PRMT8: variants seen among roughly 807,000 people sequenced by gnomAD.
PRMT8 encodes the protein protein arginine N-methyltransferase 8.
Under a neutral mutation model 47.1 loss-of-function variants are expected in PRMT8, and 7 were observed. The ratio of observed to expected loss-of-function variants is 0.15; its 90% confidence interval spans 0.08 to 0.28. PRMT8 has a LOEUF of 0.28. Among genes scored for constraint, PRMT8 ranks in the 10% least tolerant of loss-of-function variants. The pLI is 1.00. For missense variants in PRMT8, 237 were observed against 505.4 expected (o/e 0.47, Z 5.09); for synonymous variants, 188 against 186.5 (o/e 1.01, Z -0.07).
chr12:3,568,620 C>T (rs1866778087), intron 4 of PRMT8, 86 bp from the exon 5 acceptor site: 3 of 1,499,024 alleles, frequency 2.0e-6, no homozygotes, highest in Non-Finnish European at 2.8e-6. Flanking sequence ...AGGGCTGAAA[C>T]CTGGAGATCT....
chr12:3,450,661 A>G (rs1011813815), intron 1 of PRMT8, among the ~76,000 whole-genome samples: 6 of 152,234 alleles, frequency 3.9e-5, no homozygotes, highest in African/African-American at 1.4e-4. Flanking sequence ...AAAAGTGGCT[A>G]GTTTAGCCTG....
intron 2 of PRMT8, 147 bp downstream of exon 2, chr12:3,540,938 C>CG (rs1324358188): frequency 1.0e-6 from 1 of 1,000,386 alleles, no homozygotes; most frequent in Non-Finnish European, 1.4e-6. Context: ...TTCTCCAATC[C>CG]GGGGGGCCCC....
intron 1 of PRMT8, among the ~76,000 whole-genome samples, chr12:3,482,452 G>T (rs1865284158): frequency 6.6e-6 from 1 of 152,166 alleles, no homozygotes; most frequent in African/African-American, 2.4e-5. Flanking sequence ...TAGCAGATCT[G>T]GGCAGTATGT....
chr12:3,487,195 G>A (rs150473986), upstream of PRMT8, among the ~76,000 whole-genome samples: 9 of 152,286 alleles, frequency 5.9e-5, no homozygotes, highest in South Asian at 1.0e-3. Context: ...TCGAGGAGTC[G>A]TGGATTCACT....
intron 2 of PRMT8, 133 bp downstream of exon 2, chr12:3,540,924 C>G (rs1866216945): frequency 1.8e-6 from 2 of 1,102,358 alleles, no homozygotes; most frequent in Admixed American, 2.5e-5. Context: ...AGTCCTCTGA[C>G]CCTTTCTCCA....
At chr12:3,485,496 G>T (rs1273079396) in intron 1 of PRMT8, among the ~76,000 whole-genome samples, 1 of 152,098 alleles carries the variant, frequency 6.6e-6, no homozygotes, top group Admixed American at 6.5e-5. Context: ...GTTCATAAGG[G>T]TATATTTAAA....
intron 8 of PRMT8, among the ~76,000 whole-genome samples, chr12:3,584,421 C>T (rs1421233968): frequency 6.6e-6 from 1 of 152,232 alleles, no homozygotes; most frequent in Non-Finnish European, 1.5e-5. Context: ...TGAGCCATCT[C>T]TTCACCTGGT....
chr12:3,399,353 TG>T (rs1591538669), intron 1 of PRMT8, among the ~76,000 whole-genome samples: 1 of 152,144 alleles, frequency 6.6e-6, no homozygotes, highest in East Asian at 1.9e-4. Flanking sequence ...GAATCCCCAG[TG>T]TCAAGCTTTC....
Position 3,570,018 on chromosome 12 carries a change from T to C in PRMT8, c.712+454T>C, listed in dbSNP as rs74056230. Among the ~76,000 whole-genome samples, 956 of 152,312 alleles carry C rather than the reference T, an allele frequency of 6.3e-3. 9 individuals are homozygous for C. Among genetic ancestry groups the C allele is most frequent in the African/African-American group, 0.021 (866 of 41,566 alleles). On this transcript the variant is annotated intron_variant, in intron 6 of 9. Transcript: ENST00000382622. This position sits in a 1 kb window ranked among gnomAD's most constrained non-coding sequence, Gnocchi z 5.5. Reference sequence around the variant, plus strand: ...CTTATCAAAATAATATTGATTCTCTTATGCAAATACATATTATTTGAGGTT... The same window carrying C: ...CTTATCAAAATAATATTGATTCTCTCATGCAAATACATATTATTTGAGGTT...
chr12:3,402,957 C>A (rs148796100), intron 1 of PRMT8, among the ~76,000 whole-genome samples: 1 of 152,242 alleles, frequency 6.6e-6, no homozygotes, highest in African/African-American at 2.4e-5. Flanking sequence ...CCCAACAATC[C>A]CATTACTGGG....
intron 7 of PRMT8, among the ~76,000 whole-genome samples, chr12:3,577,637 C>T (rs1003156102): frequency 6.6e-6 from 1 of 151,876 alleles, no homozygotes; most frequent in African/African-American, 2.4e-5. Context: ...CAACCCAACA[C>T]AAATTCGTAA....
intron 1 of PRMT8, among the ~76,000 whole-genome samples, chr12:3,471,946 G>A (rs1183609812): frequency 6.6e-6 from 1 of 152,064 alleles, no homozygotes; most frequent in African/African-American, 2.4e-5. Flanking sequence ...TGTTGAATGA[G>A]GGAAGAGCGG....
chr12:3,476,325 GAC>G (rs546853546), intron 1 of PRMT8, among the ~76,000 whole-genome samples: 46 of 152,316 alleles, frequency 3.0e-4, no homozygotes, highest in African/African-American at 1.1e-3. Context: ...TAGGGTGCCA[GAC>G]ACGTGGGCTT....
chr12:3,490,556 G>C (rs925469618), upstream of PRMT8, among the ~76,000 whole-genome samples: 1 of 149,636 alleles, frequency 6.7e-6, no homozygotes. Context: ...TGGGGGGGGG[G>C]GCACTGCAGT....
chr12:3,401,128 CA>C (rs1167355749), intron 1 of PRMT8, among the ~76,000 whole-genome samples: 1 of 89,854 alleles, frequency 1.1e-5, no homozygotes, highest in Non-Finnish European at 2.0e-5. Context: ...GCCTGGACAA[CA>C]AGAGCGAAAC....
At position 3,491,664 on chromosome 12, in the gene PRMT8, G is replaced by A; in HGVS notation, c.39G>A (p.Arg13=). The A allele has an allele frequency of 1.2e-6, 2 of 1,612,554 alleles. No individual in the cohort carries two copies. Among genetic ancestry groups the A allele is most frequent in the Middle Eastern group, 1.7e-4 (1 of 6,060 alleles). ...MKHSSRCLLL[R]RKMAENAAES... ...ACTCCTCCCGCTGCCTGCTCCTGAGGAGGAAAATGGCGGAGAACGCGGCCG... is the reference window on the plus strand; with the variant it reads ...ACTCCTCCCGCTGCCTGCTCCTGAGAAGGAAAATGGCGGAGAACGCGGCCG... Residue 13 remains arginine (R), a synonymous_variant, in exon 1 of 10, where the codon AGG becomes AGA. Coordinates refer to ENST00000382622, the MANE Select transcript of PRMT8 (RefSeq NM_019854.5).
At chr12:3,466,030 G>T (rs192900360) in intron 1 of PRMT8, among the ~76,000 whole-genome samples, 1 of 152,148 alleles carries the variant, frequency 6.6e-6, no homozygotes, top group Non-Finnish European at 1.5e-5. Flanking sequence ...GGGCACTGAC[G>T]CAGAAAACTG....
At chr12:3,574,300 A>C (rs1196551823) in intron 6 of PRMT8, among the ~76,000 whole-genome samples, 1 of 152,232 alleles carries the variant, frequency 6.6e-6, no homozygotes, top group Non-Finnish European at 1.5e-5. Flanking sequence ...GAAGACAGTA[A>C]AGATCATGTA....
Position 3,493,959 on chromosome 12 carries a change from C to T in PRMT8, c.75+2259C>T, listed in dbSNP as rs1865465136. 6.6e-6 allele frequency among the ~76,000 whole-genome samples: 1 copy of T among 152,192 alleles called. No homozygotes were observed. Among genetic ancestry groups the T allele is most frequent in the African/African-American group, 2.4e-5 (1 of 41,456 alleles). On this transcript the variant is annotated intron_variant, in intron 1 of 9. Coordinates refer to ENST00000382622, the MANE Select transcript of PRMT8 (RefSeq NM_019854.5). The surrounding 1 kb of genome is among the most constrained non-coding windows in gnomAD (Gnocchi z 8.2). ...CCCAGACTTGGTCAAACGTGCCTAGCGGAGGCATCCAGGCAGCGTGACAAT... is the reference window on the plus strand; with the variant it reads ...CCCAGACTTGGTCAAACGTGCCTAGTGGAGGCATCCAGGCAGCGTGACAAT...
Sources: allele counts gnomAD v4.1 joint callset (sites outside exome capture counted in the v4.1 genomes callset), GRCh38; gene constraint gnomAD v4.1.1; non-coding constraint Gnocchi (gnomAD v3.1); transcripts MANE v1.5; gene names NCBI Gene and HGNC (gene_info 2026-07-23, HGNC 2026-07-21).